The following CNTN4 variants were observed in gnomAD, a reference collection of about 807,000 sequenced individuals.
The protein encoded by CNTN4 is contactin 4.
CNTN4 carries 77 observed loss-of-function variants against 122.5 expected under a neutral mutation model. The observed-to-expected ratio is 0.63, with a 90% CI of 0.52 to 0.76. The LOEUF is 0.76. Ranked by LOEUF, CNTN4 falls within the 30% of genes least tolerant of loss-of-function variation. The pLI, the probability that CNTN4 is intolerant of heterozygous loss-of-function variation, is 0.00. For missense variants in CNTN4, 1,256 were observed against 1,259.1 expected (o/e 1.00, Z 0.04); for synonymous variants, 512 against 447.0 (o/e 1.15, Z -1.83).
chr3:2,620,441 A>C (rs1414829357), intron 4 of CNTN4, among the ~76,000 whole-genome samples: 1 of 152,160 alleles, frequency 6.6e-6, no homozygotes, highest in Admixed American at 6.5e-5. Flanking sequence ...TTGAGGCTGC[A>C]GTCAGCCATG....
intron 3 of CNTN4, among the ~76,000 whole-genome samples, chr3:2,448,874 G>A (rs150830613): frequency 2.0e-5 from 3 of 152,134 alleles, no homozygotes; most frequent in African/African-American, 7.2e-5. Flanking sequence ...TCGTGTGAAT[G>A]ATGAGGTACC....
intron 4 of CNTN4, among the ~76,000 whole-genome samples, chr3:2,724,960 A>G (rs1200206015): frequency 6.6e-6 from 1 of 152,232 alleles, no homozygotes; most frequent in African/African-American, 2.4e-5. Flanking sequence ...CAGTCCCACA[A>G]AAGGTTGGAC....
intron 4 of CNTN4, among the ~76,000 whole-genome samples, chr3:2,602,136 A>T (rs555068426): frequency 6.6e-6 from 1 of 152,334 alleles, no homozygotes; most frequent in African/African-American, 2.4e-5. Flanking sequence ...AGCCAATATC[A>T]TACTAAGTGG....
intron 4 of CNTN4, among the ~76,000 whole-genome samples, chr3:2,724,987 A>C (rs188644989): frequency 2.6e-5 from 4 of 152,274 alleles, no homozygotes; most frequent in Admixed American, 1.3e-4. Context: ...GGATTATAGT[A>C]CTCTTAATAC....
chr3:2,163,219 C>A (rs1304597537), intron 2 of CNTN4, among the ~76,000 whole-genome samples: 2 of 152,190 alleles, frequency 1.3e-5, no homozygotes, highest in Non-Finnish European at 2.9e-5. Flanking sequence ...GCCAACTGAT[C>A]TTCAACAAAG....
intron 3 of CNTN4, among the ~76,000 whole-genome samples, chr3:2,436,289 G>A (rs2048255106): frequency 6.6e-6 from 1 of 152,112 alleles, no homozygotes; most frequent in Non-Finnish European, 1.5e-5. Context: ...TACAAAGGAA[G>A]ATAATGCCAT....
intron 12 of CNTN4, among the ~76,000 whole-genome samples, chr3:2,907,735 G>A (rs1375035067): frequency 1.3e-5 from 2 of 152,140 alleles, no homozygotes; most frequent in Admixed American, 6.5e-5. Context: ...TGGTTAGGAA[G>A]CATATATTTA....
At chr3:2,322,574 G>A (rs1217195182) in intron 2 of CNTN4, among the ~76,000 whole-genome samples, 2 of 151,958 alleles carry the variant, frequency 1.3e-5, no homozygotes, top group Non-Finnish European at 2.9e-5. Context: ...TTTCTATTGG[G>A]GATCATGTAA....
At chr3:2,839,467 G>C (rs546730207) in intron 7 of CNTN4, among the ~76,000 whole-genome samples, 1 of 151,686 alleles carries the variant, frequency 6.6e-6, no homozygotes, top group Non-Finnish European at 1.5e-5. Flanking sequence ...GATGCTGTTG[G>C]TGATTTTTGT....
intron 4 of CNTN4, among the ~76,000 whole-genome samples, chr3:2,724,167 T>C (rs1349763925): frequency 6.6e-6 from 1 of 152,206 alleles, no homozygotes; most frequent in Non-Finnish European, 1.5e-5. Flanking sequence ...AATCTCTGCC[T>C]AAGTTGAATG....
At chr3:2,215,883 CAAA>C (rs869205172) in intron 2 of CNTN4, among the ~76,000 whole-genome samples, 6,434 of 59,820 alleles carry the variant, frequency 0.11, 136 homozygotes, top group Middle Eastern at 0.14. Context: ...GCCTCTGTCT[CAAA>C]AAAAAAAAAA....
chr3:2,254,303 G>A (rs1453580052), intron 2 of CNTN4, among the ~76,000 whole-genome samples: 1 of 152,108 alleles, frequency 6.6e-6, no homozygotes, highest in East Asian at 1.9e-4. Flanking sequence ...ATGGGCATAC[G>A]GGTTGGTTCC....
At chr3:2,619,203 A>C (rs1357317094) in intron 4 of CNTN4, among the ~76,000 whole-genome samples, 1 of 152,228 alleles carries the variant, frequency 6.6e-6, no homozygotes, top group Non-Finnish European at 1.5e-5. Context: ...AAATAAGTGC[A>C]GAAGCAAACT....
chr3:2,497,023 C>G (rs2151712500), intron 3 of CNTN4, among the ~76,000 whole-genome samples: 1 of 152,240 alleles, frequency 6.6e-6, no homozygotes, highest in South Asian at 2.1e-4. Flanking sequence ...TCTGGGCTAT[C>G]AAGGACCCAG....
chr3:2,211,736 A>G (rs1167780053), intron 2 of CNTN4, among the ~76,000 whole-genome samples: 1 of 152,086 alleles, frequency 6.6e-6, no homozygotes, highest in Non-Finnish European at 1.5e-5. Context: ...ATTCTTCCAC[A>G]TGGCCAGCCG....
intron 4 of CNTN4, among the ~76,000 whole-genome samples, chr3:2,611,651 A>G (rs1469138469): frequency 6.6e-6 from 1 of 152,142 alleles, no homozygotes; most frequent in Non-Finnish European, 1.5e-5. Flanking sequence ...GCCAATACCC[A>G]ATGCATGGAT....
Position 2,415,120 on chromosome 3 carries a change from C to A in CNTN4, c.-89+75887C>A, listed in dbSNP as rs549770326. Among the ~76,000 whole-genome samples, 4 of 152,310 alleles carry A rather than the reference C, an allele frequency of 2.6e-5. No individual in the cohort carries two copies. In the East Asian group the frequency reaches 7.7e-4, roughly 29 times the overall value. On this transcript the variant is annotated intron_variant, in intron 3 of 24. Transcript: ENST00000418658. ...TACTGTGGATGAGGTATTCTGACTTCTCAGTTGCCTTAAAAGAGTGCCAGG... is the reference window on the plus strand; with the variant it reads ...TACTGTGGATGAGGTATTCTGACTTATCAGTTGCCTTAAAAGAGTGCCAGG...
At chr3:2,832,231 A>T (rs2093120076) in intron 7 of CNTN4, among the ~76,000 whole-genome samples, 1 of 152,370 alleles carries the variant, frequency 6.6e-6, no homozygotes, top group East Asian at 1.9e-4. Flanking sequence ...AAAGGAATAG[A>T]TTTCTTTTAA....
chr3:2,687,929 T>C (rs2085521555), intron 4 of CNTN4, among the ~76,000 whole-genome samples: 1 of 152,084 alleles, frequency 6.6e-6, no homozygotes, highest in South Asian at 2.1e-4. Context: ...TAAGTTAATA[T>C]CACAGGGAGG....
Sources: gnomAD v4.1 joint callset for allele counts (sites outside exome capture counted in the v4.1 genomes callset) on GRCh38, gnomAD v4.1.1 for gene constraint, MANE v1.5 for transcripts, NCBI Gene and HGNC (gene_info 2026-07-23, HGNC 2026-07-21) for gene names.